The following DNAJB5 variants were observed in gnomAD, a reference collection of about 807,000 sequenced individuals.
DNAJB5 encodes dnaJ homolog subfamily B member 5.
A neutral mutation model predicts 32.6 loss-of-function variants in DNAJB5; 12 were observed. The ratio of observed to expected loss-of-function variants is 0.37; its 90% CI spans 0.24 to 0.60. DNAJB5 has a LOEUF of 0.60. Among genes scored for constraint, DNAJB5 ranks in the 20% least tolerant of loss-of-function variants. The pLI, the probability that DNAJB5 is intolerant of heterozygous loss-of-function variation, is 0.71. For synonymous variants in DNAJB5, 188 were observed against 212.9 expected (o/e 0.88, Z 1.02); for missense variants, 358 against 554.2 (o/e 0.65, Z 3.55).
At position 34,993,737 on chromosome 9, in the gene DNAJB5, G is replaced by C. The variant is rs896595294; in HGVS notation, c.427+293G>C. Among the ~76,000 whole-genome samples the C allele has an allele frequency of 6.6e-6, 1 of 152,184 alleles. No individual in the cohort carries two copies. The highest frequency in any genetic ancestry group is 2.4e-5 in the African/African-American group (1 of 41,434). Reference sequence around the variant, plus strand: ...TTTCCTTCCCAGCCTTATTAGTCCTGCCTGAAGTCTCCGCTGCTTCATTGG... The same window carrying C: ...TTTCCTTCCCAGCCTTATTAGTCCTCCCTGAAGTCTCCGCTGCTTCATTGG... On this transcript the variant is annotated intron_variant, in intron 3 of 4. Coordinates refer to ENST00000682809, the MANE Select transcript of DNAJB5 (RefSeq NM_001349723.3). The surrounding 1 kb of genome is among the most constrained non-coding windows in gnomAD (Gnocchi z 4.7).
Position 34,996,225 on chromosome 9 carries a change from A to T in DNAJB5, c.428-40A>T, listed in dbSNP as rs1451419598. ...GGGGGAAGACACTGGGATTGGGGCC[A>T]GAATAAGCCACACTGCCCCTAACTT... On this transcript the variant is annotated intron_variant, in intron 3 of 4. Coordinates refer to ENST00000682809, the MANE Select transcript of DNAJB5 (RefSeq NM_001349723.3). This position sits in a 1 kb window ranked among gnomAD's most constrained non-coding sequence, Gnocchi z 7.2. 6.3e-7 allele frequency: 1 copy of T among 1,580,382 alleles called. No homozygotes were observed. Among genetic ancestry groups the T allele is most frequent in the African/African-American group, 1.3e-5 (1 of 74,184 alleles).
chr9:34,998,465 G>A (rs1423319682), downstream of DNAJB5: 14 of 152,284 alleles, frequency 9.2e-5, no homozygotes, highest in Admixed American at 9.2e-4. Context: ...TGGGATGGGG[G>A]TGGCTGAGGA....
Position 34,997,306 on chromosome 9 carries a change from A to C in DNAJB5, c.*47A>C. On this transcript the variant is annotated 3_prime_UTR_variant, in exon 5 of 5. Coordinates refer to ENST00000682809, the MANE Select transcript of DNAJB5 (RefSeq NM_001349723.3). This position sits in a 1 kb window ranked among gnomAD's most constrained non-coding sequence, Gnocchi z 4.1. ...AGCCTACCACAGCAATACCCCCAAC[A>C]CTCACTCCACTCAATGTGCACCCAG... is the stretch of plus-strand genomic sequence containing the variant. 2 of 1,552,538 alleles carry C rather than the reference A, an allele frequency of 1.3e-6. No homozygotes were observed. The highest frequency in any genetic ancestry group is 1.8e-6 in the Non-Finnish European group (2 of 1,125,006).
chr9:34,990,085 G>A lies in DNAJB5; in HGVS notation c.-133+254G>A. 2.8e-6 allele frequency: 2 copies of A among 723,396 alleles called. No individual in the cohort carries two copies. The highest frequency in any genetic ancestry group is 4.4e-6 in the Non-Finnish European group (2 of 457,046). 44.8% of individuals were successfully genotyped at this position (723,396 alleles called of 1,614,324 possible). On this transcript the variant is annotated intron_variant, in intron 1 of 4. Transcript: ENST00000682809. The surrounding 1 kb of genome is among the most constrained non-coding windows in gnomAD (Gnocchi z 4.5). ...ACCGGACCAGATTGGGTTCTGTGGGGCGGAGGCATCTGTGAGCAGACCAGC... is the reference window on the plus strand; with the variant it reads ...ACCGGACCAGATTGGGTTCTGTGGGACGGAGGCATCTGTGAGCAGACCAGC...
Position 34,990,971 on chromosome 9 carries a change from G to C in DNAJB5, c.182+159G>C. ...CCTCACCCACATATTTGAATGAATT[G>C]CACCCCTTATCATTCCTTTTCTCAA... On this transcript the variant is annotated intron_variant, in intron 2 of 4. Transcript: ENST00000682809. This position sits in a 1 kb window ranked among gnomAD's most constrained non-coding sequence, Gnocchi z 4.5. The C allele has an allele frequency of 1.4e-6, 1 of 697,490 alleles. No homozygotes were observed. Among genetic ancestry groups the C allele is most frequent in the Non-Finnish European group, 2.3e-6 (1 of 426,016 alleles). 43.2% of individuals were successfully genotyped at this position (697,490 alleles called of 1,614,324 possible).
rs562992693 is a variant in DNAJB5 at position 34,989,955 on chromosome 9, C to T, written c.-133+124C>T. 2.7e-3 allele frequency: 3,192 copies of T among 1,186,474 alleles called. 5 individuals are homozygous for T. The highest frequency in any genetic ancestry group is 2.9e-3 in the Non-Finnish European group (2,621 of 917,030). 73.5% of individuals were successfully genotyped at this position (1,186,474 alleles called of 1,614,324 possible). A position where few individuals can be genotyped will look rare whatever the true frequency, so the allele number is the denominator to read the frequency against. ...CTCTGCTGCCTTGGGGATGCGGGGC[C>T]CCGGGGTCTGCAGGGTGCTCGGAGT... On this transcript the variant is annotated intron_variant, in intron 1 of 4. Transcript: ENST00000682809.
At position 34,993,505 on chromosome 9, in the gene DNAJB5, C is replaced by T; in HGVS notation, c.427+61C>T. 6.4e-7 allele frequency: 1 copy of T among 1,559,116 alleles called. No homozygotes were observed. Among genetic ancestry groups the T allele is most frequent in the Non-Finnish European group, 8.6e-7 (1 of 1,158,196 alleles). ...CTCCGCTTGGTAGGGGTCCCAGGTG[C>T]ACCAGTTTGTGTAGCGGGGAACTGG... On this transcript the variant is annotated intron_variant, in intron 3 of 4. Transcript: ENST00000682809. The surrounding 1 kb of genome is among the most constrained non-coding windows in gnomAD (Gnocchi z 4.7).
chr9:34,990,502 C>T lies in DNAJB5; in HGVS notation c.-129C>T, dbSNP rs1587494120. The T allele has an allele frequency of 6.5e-7, 1 of 1,539,020 alleles. No individual in the cohort carries two copies. Among genetic ancestry groups the T allele is most frequent in the Non-Finnish European group, 8.7e-7 (1 of 1,146,578 alleles). ...ACTCTCCACATTTGGGGATCAGGTC[C>T]GGCACCTGCTGCGCCAGACAGGCCT... On this transcript the variant is annotated 5_prime_UTR_variant, in exon 2 of 5. Coordinates refer to ENST00000682809, the MANE Select transcript of DNAJB5 (RefSeq NM_001349723.3). The surrounding 1 kb of genome is among the most constrained non-coding windows in gnomAD (Gnocchi z 4.5).
intron 2 of DNAJB5, chr9:34,991,590 T>G (rs1827630431): frequency 1.3e-5 from 4 of 300,138 alleles, no homozygotes; most frequent in East Asian, 9.5e-5. Flanking sequence ...AAAGAAGGTG[T>G]GGGTTGAGGC....
rs1047182333 is a variant in DNAJB5 at position 34,990,207 on chromosome 9, T to A, written c.-132-292T>A. ...CTTTTGTCCCGGCCGAGCTCCGCTC[T>A]GCCCCGCCCATCTGCGAGGGAGGAG... On this transcript the variant is annotated intron_variant, in intron 1 of 4. Transcript: ENST00000682809. The surrounding 1 kb of genome is among the most constrained non-coding windows in gnomAD (Gnocchi z 4.5). 6.2e-5 allele frequency: 78 copies of A among 1,257,396 alleles called. No homozygotes were observed. The highest frequency in any genetic ancestry group is 7.6e-5 in the Non-Finnish European group (74 of 974,130). The allele number at this position is 1,257,396 out of a possible 1,614,324, so 77.9% of individuals were successfully genotyped here. A position where few individuals can be genotyped will look rare whatever the true frequency, so the allele number is the denominator to read the frequency against.
Position 34,992,957 on chromosome 9 carries a change from C to A in DNAJB5, c.183-243C>A, listed in dbSNP as rs547172484. The A allele has an allele frequency of 2.5e-5, 34 of 1,356,260 alleles. No individual in the cohort carries two copies. In the South Asian group the frequency reaches 5.0e-4, roughly 20 times the overall value. 84.0% of individuals were successfully genotyped at this position (1,356,260 alleles called of 1,614,324 possible). ...CCTAGCCCCAAGAGTGGGCCACAAC[C>A]TTCAGCTTCCTGCTGGGAAAACCCA... On this transcript the variant is annotated intron_variant, in intron 2 of 4. Transcript: ENST00000682809.
chr9:34,991,033 CATT>C (rs927805111), intron 2 of DNAJB5: 15 of 585,490 alleles, frequency 2.6e-5, no homozygotes, highest in African/African-American at 3.7e-5. Flanking sequence ...ACATTTCCTC[CATT>C]ATTTCAACTC....
chr9:34,994,980 T>A (rs1017756034), intron 3 of DNAJB5, among the ~76,000 whole-genome samples: 3 of 152,134 alleles, frequency 2.0e-5, no homozygotes, highest in Non-Finnish European at 4.4e-5. Flanking sequence ...GAAATCCCTA[T>A]AGAGAGAATT....
chr9:34,993,850 C>T lies in DNAJB5; in HGVS notation c.427+406C>T, dbSNP rs1243349412. Among the ~76,000 whole-genome samples the T allele has an allele frequency of 6.6e-6, 1 of 152,216 alleles. No individual in the cohort carries two copies. The highest frequency in any genetic ancestry group is 2.4e-5 in the African/African-American group (1 of 41,456). Reference sequence around the variant, plus strand: ...TCAGCATAAAAGTCTGGCCCTTAAGCAGCCTGGGAATTAACTACCAGAGCT... The same window carrying T: ...TCAGCATAAAAGTCTGGCCCTTAAGTAGCCTGGGAATTAACTACCAGAGCT... On this transcript the variant is annotated intron_variant, in intron 3 of 4. Transcript: ENST00000682809. This position sits in a 1 kb window ranked among gnomAD's most constrained non-coding sequence, Gnocchi z 4.7.
At position 34,996,399 on chromosome 9, in the gene DNAJB5, C is replaced by G. The variant is rs767050639; in HGVS notation, c.562C>G (p.Arg188Gly). The change falls in exon 4 of 5, where the codon CGC (arginine) becomes GGC (glycine). Residue 188 changes from arginine (R) to glycine (G), a missense_variant. Transcript: ENST00000682809. The surrounding 1 kb of genome is among the most constrained non-coding windows in gnomAD (Gnocchi z 7.2). ...CTTCGATATCTTCTTTGCCAGCAGC[C>G]GCTCCACTCGGCCCTTCAGTGGCTT... is the stretch of plus-strand genomic sequence containing the variant. Reference protein sequence around the residue: ...NPFDIFFASSRSTRPFSGFDP... With the variant: ...NPFDIFFASSGSTRPFSGFDP... The G allele has an allele frequency of 1.2e-6, 2 of 1,614,154 alleles. No homozygotes were observed. Among genetic ancestry groups the G allele is most frequent in the Non-Finnish European group, 8.5e-7 (1 of 1,180,022 alleles).
At chr9:34,994,761 G>A (rs1827745657) in intron 3 of DNAJB5, among the ~76,000 whole-genome samples, 1 of 152,196 alleles carries the variant, frequency 6.6e-6, no homozygotes, top group Admixed American at 6.5e-5. Context: ...ATCCCAGGAA[G>A]GCCCCTGAGG....
intron 3 of DNAJB5, among the ~76,000 whole-genome samples, chr9:34,995,982 C>T (rs895930611): frequency 2.0e-5 from 3 of 152,200 alleles, no homozygotes; most frequent in Admixed American, 6.5e-5. Context: ...GATTACAGGA[C>T]TGGAAGTCAC....
Position 34,997,298 on chromosome 9 carries a change from C to T in DNAJB5, c.*39C>T, listed in dbSNP as rs368959542. The T allele has an allele frequency of 5.8e-5, 91 of 1,579,490 alleles. 1 individual carries two copies. The Middle Eastern group carries it at 8.3e-4, about 14-fold the overall frequency. On this transcript the variant is annotated 3_prime_UTR_variant, in exon 5 of 5. Transcript: ENST00000682809. This position sits in a 1 kb window ranked among gnomAD's most constrained non-coding sequence, Gnocchi z 4.1. ...CAGTCCAGAGCCTACCACAGCAATA[C>T]CCCCAACACTCACTCCACTCAATGT...
Position 34,993,226 on chromosome 9 carries a change from T to G in DNAJB5, c.209T>G (p.Val70Gly). 1 of 1,613,902 alleles carries G rather than the reference T, an allele frequency of 6.2e-7. No individual in the cohort carries two copies. The change falls in exon 3 of 5, where the codon GTG becomes GGG. Residue 70 changes from valine to glycine, a missense_variant. Val to Gly is a moderately radical substitution (Grantham distance 109). Coordinates refer to ENST00000682809, the MANE Select transcript of DNAJB5 (RefSeq NM_001349723.3). This position sits in a 1 kb window ranked among gnomAD's most constrained non-coding sequence, Gnocchi z 4.7. ...FRNKETSAGP[V>G]AVMGKDYYKI... ...AACAAGGAGACCAGTGCTGGTCCAGTGGCTGTGATGGGAAAAGATTATTAC... is the reference window on the plus strand; with the variant it reads ...AACAAGGAGACCAGTGCTGGTCCAGGGGCTGTGATGGGAAAAGATTATTAC...
Sources: gnomAD v4.1 joint callset for allele counts (sites outside exome capture counted in the v4.1 genomes callset) on GRCh38, gnomAD v4.1.1 for gene constraint, Gnocchi (gnomAD v3.1) non-coding constraint, MANE v1.5 for transcripts, NCBI Gene and HGNC (gene_info 2026-07-23, HGNC 2026-07-21) for gene names.